The following LRPPRC variants were observed in gnomAD, a reference collection of about 807,000 sequenced individuals.
LRPPRC encodes the protein leucine rich pentatricopeptide repeat containing, also known as leucine-rich PPR motif-containing protein, mitochondrial.
A neutral mutation model predicts 180.3 loss-of-function variants in LRPPRC; 120 were observed. That is an observed-to-expected ratio of 0.67 (90% CI 0.57 to 0.77). The LOEUF (loss-of-function observed/expected upper bound fraction) is 0.77. LRPPRC is among the 30% of genes least tolerant of loss of function. The probability of loss-of-function intolerance (pLI) is 0.00; values close to 1 mark genes in which losing one functional copy is unlikely to be tolerated. For missense variants in LRPPRC, 2,012 were observed against 1,657.2 expected, an observed-to-expected ratio of 1.21 and a Z score of -3.72; for synonymous variants, 723 against 600.0, an observed-to-expected ratio of 1.21 and a Z score of -3.00.
In LRPPRC at chr2:43,887,873, A is replaced by G. The variant is rs1039876978; in HGVS notation, c.*727T>C. On this transcript the variant is annotated 3_prime_UTR_variant, in exon 38 of 38. Coordinates refer to ENST00000260665, the MANE Select transcript of LRPPRC (RefSeq NM_133259.4). ...AGCCTAGGGCAGAGCTTGTACTGAC[A>G]AAGTCCTGAAACTACAATGAGAGGA... 3 of 152,390 alleles carry G rather than the reference A, an allele frequency of 2.0e-5. No individual in the cohort carries two copies. Among genetic ancestry groups the G allele is most frequent in the Admixed American group, 2.0e-4 (3 of 15,292 alleles). The allele number at this position is 152,390 out of a possible 1,614,324, so 9.4% of individuals were successfully genotyped here.
At chr2:43,926,923 T>C (rs1235843879) in intron 25 of LRPPRC, among the ~76,000 whole-genome samples, 8 of 152,366 alleles carry the variant, frequency 5.3e-5, no homozygotes, top group African/African-American at 1.2e-4. Flanking sequence ...AATTGGTTTA[T>C]AGTCTCAGTT....
intron 1 of LRPPRC, among the ~76,000 whole-genome samples, chr2:43,987,536 C>T (rs1368144489): frequency 6.6e-6 from 1 of 150,672 alleles, no homozygotes; most frequent in South Asian, 2.1e-4. Flanking sequence ...TCAAATTTCT[C>T]CACTGCAACC....
At chr2:43,907,521 C>A (rs1671103405) in intron 30 of LRPPRC, among the ~76,000 whole-genome samples, 2 of 152,126 alleles carry the variant, frequency 1.3e-5, no homozygotes, top group African/African-American at 2.4e-5. Flanking sequence ...ATCATCCAAT[C>A]ATCCAATAAC....
intron 6 of LRPPRC, among the ~76,000 whole-genome samples, chr2:43,975,784 T>G (rs897699365): frequency 6.6e-6 from 1 of 152,014 alleles, no homozygotes; most frequent in Non-Finnish European, 1.5e-5. Flanking sequence ...GGTTTCACCA[T>G]GTTGGCCAAG....
At chr2:43,931,140 T>C (rs1404994837) in intron 25 of LRPPRC, among the ~76,000 whole-genome samples, 3 of 152,216 alleles carry the variant, frequency 2.0e-5, no homozygotes, top group Non-Finnish European at 4.4e-5. Flanking sequence ...TCTTAGCCCT[T>C]TGAGTAGTTC....
intron 25 of LRPPRC, among the ~76,000 whole-genome samples, chr2:43,927,994 A>T (rs2105046839): frequency 6.7e-6 from 1 of 148,700 alleles, no homozygotes; most frequent in African/African-American, 2.5e-5. Context: ...AGAAGAATAG[A>T]ATTCTAATTG....
rs763030814 is a variant in LRPPRC at position 43,979,898 on chromosome 2, G to C, written c.397C>G (p.Leu133Val). ...ALLLLRSCGSLLPELKLEERT... is the reference protein window; with the variant it reads ...ALLLLRSCGSVLPELKLEERT... The stretch of plus-strand genomic sequence containing the variant: ...TCTTCAAGCTTTAGTTCAGGCAAGA[G>C]AGAACCACAACTACGTAGTAGAAGC... Residue 133 changes from leucine to valine, a missense_variant, in exon 3 of 38, where the codon CTC (leucine) becomes GTC (valine). Coordinates refer to ENST00000260665, the MANE Select transcript of LRPPRC (RefSeq NM_133259.4). The C allele has an allele frequency of 3.1e-6, 5 of 1,613,798 alleles. No homozygotes were observed. The highest frequency in any genetic ancestry group is 3.4e-6 in the Non-Finnish European group (4 of 1,179,768).
intron 31 of LRPPRC, chr2:43,903,714 G>C (rs1213832413): frequency 1.3e-5 from 2 of 150,730 alleles, no homozygotes; most frequent in Non-Finnish European, 3.0e-5. Flanking sequence ...GCTTACACAG[G>C]GCACCTAACA....
chr2:43,934,210 C>T lies in LRPPRC; in HGVS notation c.2716G>A (p.Glu906Lys). The change falls in exon 25 of 38, where the codon GAG becomes AAG. Residue 906 changes from glutamate (E) to lysine (K), a missense_variant. Transcript: ENST00000260665. ...CACACCTCAATGATCTTCTTGGCCTCTTTGTAATTTCCTGTTTGTAGGAAG... is the reference window on the plus strand; with the variant it reads ...CACACCTCAATGATCTTCTTGGCCTTTTTGTAATTTCCTGTTTGTAGGAAG... ...FAFLQTGNYK[E>K]AKKIIETPGI... is the part of the protein sequence containing the mutation. The T allele has an allele frequency of 6.2e-7, 1 of 1,604,058 alleles. No individual in the cohort carries two copies. Among genetic ancestry groups the T allele is most frequent in the Non-Finnish European group, 8.5e-7 (1 of 1,171,380 alleles).
intron 6 of LRPPRC, 72 bp from the exon 7 acceptor site, chr2:43,975,289 AT>A: frequency 7.8e-7 from 1 of 1,280,454 alleles, no homozygotes; most frequent in Admixed American, 1.8e-5. Flanking sequence ...ACTAAAACAT[AT>A]GCTTATTAAA....
intron 31 of LRPPRC, chr2:43,903,886 T>C (rs1670973748): frequency 6.6e-6 from 1 of 152,192 alleles, no homozygotes; most frequent in South Asian, 2.1e-4. Context: ...CAAGTTTAAC[T>C]TTTCATTGTT....
chr2:43,905,542 C>T (rs1671040264), intron 31 of LRPPRC, 150 bp downstream of exon 31: 1 of 710,334 alleles, frequency 1.4e-6, no homozygotes, highest in Non-Finnish European at 2.6e-6. Flanking sequence ...AATGCATGTA[C>T]AGTAATTTAT....
At chr2:43,959,557 C>T (rs1397944729) in intron 13 of LRPPRC, among the ~76,000 whole-genome samples, 1 of 152,052 alleles carries the variant, frequency 6.6e-6, no homozygotes, top group Non-Finnish European at 1.5e-5. Context: ...TCAAGCAACA[C>T]CATGGACGTG....
At position 43,948,653 on chromosome 2, in the gene LRPPRC, C is replaced by T. The variant is rs558880207; in HGVS notation, c.1736-135G>A. The T allele has an allele frequency of 3.2e-4, 219 of 683,372 alleles. 2 individuals are homozygous for T. In the African/African-American group the frequency reaches 3.7e-3, roughly 12 times the overall value. The allele number at this position is 683,372 out of a possible 1,614,324, so 42.3% of individuals were successfully genotyped here. On this transcript the variant is annotated intron_variant, in intron 16 of 37. Transcript: ENST00000260665. The stretch of plus-strand genomic sequence containing the variant: ...GGCTCTGAAATGGCAACAATGATCA[C>T]TGAGGCATAGAGATTATGTGGTTTG...
Position 43,943,642 on chromosome 2 carries a change from T to C in LRPPRC, c.2504+45A>G, listed in dbSNP as rs144205350. 8,902 of 1,496,880 alleles carry C rather than the reference T, an allele frequency of 5.9e-3. 35 individuals are homozygous for C. Among genetic ancestry groups the C allele is most frequent in the Non-Finnish European group, 7.2e-3 (7,713 of 1,073,286 alleles). The allele number at this position is 1,496,880 out of a possible 1,614,324, so 92.7% of individuals were successfully genotyped here. A position where few individuals can be genotyped will look rare whatever the true frequency, so the allele number is the denominator to read the frequency against. On this transcript the variant is annotated intron_variant, in intron 23 of 37. Transcript: ENST00000260665. Reference sequence around the variant, plus strand: ...TATAATCCGAAAATTATTAGACTCATTCTTTTAATGCCAACATTTAAAATT... The same window carrying C: ...TATAATCCGAAAATTATTAGACTCACTCTTTTAATGCCAACATTTAAAATT...
At chr2:43,918,190 T>G in intron 28 of LRPPRC, 57 bp from the exon 29 acceptor site, 1 of 1,590,712 alleles carries the variant, frequency 6.3e-7, no homozygotes, top group Non-Finnish European at 8.6e-7. Context: ...AATATAAAAG[T>G]AGGCTAATCT....
intron 23 of LRPPRC, among the ~76,000 whole-genome samples, chr2:43,939,080 G>T (rs1572944037): frequency 1.3e-5 from 2 of 150,566 alleles, no homozygotes; most frequent in East Asian, 3.9e-4. Flanking sequence ...AGACCATCCT[G>T]GCTAACATGG....
At chr2:43,901,620 C>T in intron 31 of LRPPRC, 96 bp from the exon 32 acceptor site, 2 of 761,594 alleles carry the variant, frequency 2.6e-6, no homozygotes, top group Non-Finnish European at 4.7e-6. Context: ...CACCAAATGG[C>T]CATAAACAAA....
rs1195749411 is a variant in LRPPRC, at chr2:43,946,098, T to C, written c.2210+15A>G. 6.2e-7 allele frequency: 1 copy of C among 1,611,764 alleles called. No individual in the cohort carries two copies. Among genetic ancestry groups the C allele is most frequent in the Non-Finnish European group, 8.5e-7 (1 of 1,178,174 alleles). On this transcript the variant is annotated intron_variant, in intron 21 of 37. Transcript: ENST00000260665. ...AATAAATGTTGACAACTTGTTTCAG[T>C]GCCAGGGTACTCACAATTCTTCTTT...
Sources: gnomAD v4.1 joint callset for allele counts (sites outside exome capture counted in the v4.1 genomes callset) on GRCh38, gnomAD v4.1.1 for gene constraint, MANE v1.5 for transcripts, NCBI Gene and HGNC (gene_info 2026-07-23, HGNC 2026-07-21) for gene names.